The following PLCE1 variants were observed in gnomAD, a reference collection of about 807,000 sequenced individuals.
PLCE1 encodes 1-phosphatidylinositol 4,5-bisphosphate phosphodiesterase epsilon-1.
PLCE1 carries 119 observed loss-of-function variants against 242.8 expected under a neutral mutation model. The ratio of observed to expected loss-of-function variants is 0.49; its 90% CI spans 0.42 to 0.57. PLCE1 has a LOEUF of 0.57. PLCE1 is among the 20% of genes least tolerant of loss of function. PLCE1 has a pLI of 0.00. For synonymous variants in PLCE1, 945 were observed against 1,017.4 expected, an observed-to-expected ratio of 0.93 and a Z score of 1.35; for missense variants, 2,441 against 2,788.8, an observed-to-expected ratio of 0.88 and a Z score of 2.81.
chr10:94,116,215 C>T (rs1358025867), intron 2 of PLCE1, among the ~76,000 whole-genome samples: 1 of 152,214 alleles, frequency 6.6e-6, no homozygotes, highest in Non-Finnish European at 1.5e-5. Flanking sequence ...TAACTACTCA[C>T]AATTTAGATC....
At chr10:94,207,091 A>G (rs563554017) in intron 4 of PLCE1, among the ~76,000 whole-genome samples, 1 of 152,376 alleles carries the variant, frequency 6.6e-6, no homozygotes, top group East Asian at 1.9e-4. Flanking sequence ...ACAAAGAACA[A>G]GCAGCTTTCC....
intron 3 of PLCE1, among the ~76,000 whole-genome samples, chr10:94,150,150 G>A (rs948584284): frequency 6.6e-6 from 1 of 152,188 alleles, no homozygotes; most frequent in African/African-American, 2.4e-5. Context: ...AGGTCATATG[G>A]AAACATGCGG....
intron 2 of PLCE1, among the ~76,000 whole-genome samples, chr10:94,070,844 A>G (rs2044331397): frequency 6.6e-6 from 1 of 151,966 alleles, no homozygotes; most frequent in African/African-American, 2.4e-5. Context: ...CTCAATTCCC[A>G]TATCTCTTTT....
Position 94,030,744 on chromosome 10 carries a change from T to A in PLCE1, c.-303T>A. The A allele has an allele frequency of 5.3e-6, 2 of 375,978 alleles. No individual in the cohort carries two copies. Among genetic ancestry groups the A allele is most frequent in the Non-Finnish European group, 9.7e-6 (2 of 205,690 alleles). 23.3% of individuals were successfully genotyped at this position (375,978 alleles called of 1,614,324 possible). On this transcript the variant is annotated 5_prime_UTR_variant, in exon 2 of 33. It introduces an in-frame stop codon into an upstream open reading frame of the 5' UTR. Coordinates refer to ENST00000371380, the MANE Select transcript of PLCE1 (RefSeq NM_016341.4). ...TGCAAATCAGTGATGGATCAGAAGT[T>A]GCAGAGTGCAATCCCGAGTAAAAGT...
At chr10:94,171,031 C>A in intron 3 of PLCE1, 149 bp from the exon 4 acceptor site, 1 of 701,340 alleles carries the variant, frequency 1.4e-6, no homozygotes, top group Non-Finnish European at 2.5e-6. Flanking sequence ...TCAGAAAGGT[C>A]TTTGTAAAAA....
chr10:94,258,760 G>A, intron 11 of PLCE1, 40 bp from the exon 12 acceptor site: 1 of 1,613,826 alleles, frequency 6.2e-7, no homozygotes. Flanking sequence ...CACAACAGTG[G>A]CCTGCCCTTG....
Position 94,320,813 on chromosome 10 carries a change from T to C in PLCE1, c.6343-1088T>C, listed in dbSNP as rs537278215. ...TCACATTATATCTAAATTCACCTAA[T>C]TCAAGGGTGTTGCTTTACATAGTCA... On this transcript the variant is annotated intron_variant, in intron 29 of 32. Coordinates refer to ENST00000371380, the MANE Select transcript of PLCE1 (RefSeq NM_016341.4). Among the ~76,000 whole-genome samples the C allele has an allele frequency of 2.0e-5, 3 of 152,314 alleles. No homozygotes were observed. The East Asian group carries it at 5.8e-4, about 29-fold the overall frequency.
intron 25 of PLCE1, among the ~76,000 whole-genome samples, chr10:94,305,757 G>A (rs1436432354): frequency 3.3e-5 from 5 of 152,210 alleles, no homozygotes; most frequent in Non-Finnish European, 5.9e-5. Flanking sequence ...AGATTTTGAA[G>A]TTATAAAATC....
intron 2 of PLCE1, among the ~76,000 whole-genome samples, chr10:94,086,512 G>GT (rs1443404291): frequency 6.6e-6 from 1 of 152,178 alleles, no homozygotes; most frequent in Non-Finnish European, 1.5e-5. Flanking sequence ...TATCTCTGTT[G>GT]TAACACTGTC....
chr10:94,113,402 G>T (rs1278504878), intron 2 of PLCE1, among the ~76,000 whole-genome samples: 1 of 152,062 alleles, frequency 6.6e-6, no homozygotes, highest in African/African-American at 2.4e-5. Flanking sequence ...CAATAAAATG[G>T]GGACAATAAC....
intron 3 of PLCE1, among the ~76,000 whole-genome samples, chr10:94,132,673 G>T (rs575743046): frequency 6.6e-6 from 1 of 151,530 alleles, no homozygotes; most frequent in African/African-American, 2.4e-5. Context: ...TTTTGAGGCC[G>T]GGTGCGGTGG....
At chr10:94,169,744 C>T (rs960871643) in intron 3 of PLCE1, among the ~76,000 whole-genome samples, 2 of 152,118 alleles carry the variant, frequency 1.3e-5, no homozygotes, top group African/African-American at 4.8e-5. Flanking sequence ...GAATTAGCAC[C>T]CGCCCCATCA....
At chr10:94,309,903 A>G (rs908116299) in intron 27 of PLCE1, among the ~76,000 whole-genome samples, 20 of 152,062 alleles carry the variant, frequency 1.3e-4, no homozygotes, top group African/African-American at 4.8e-4. Context: ...TCGAGCACCT[A>G]TAGTCCCAGC....
chr10:94,332,599 T>G lies in PLCE1; in HGVS notation c.*4656T>G, dbSNP rs1691581548. 1 of 151,270 alleles carries G rather than the reference T, an allele frequency of 6.6e-6. No homozygotes were observed. The highest frequency in any genetic ancestry group is 1.5e-5 in the Non-Finnish European group (1 of 67,862). 9.4% of individuals were successfully genotyped at this position (151,270 alleles called of 1,614,324 possible). On this transcript the variant is annotated 3_prime_UTR_variant, in exon 33 of 33. Coordinates refer to ENST00000371380, the MANE Select transcript of PLCE1 (RefSeq NM_016341.4). ...TATGTAAGTTAATGCACAAATATAT[T>G]TCCTCAAATTCACATAGGATACTCA...
intron 8 of PLCE1, among the ~76,000 whole-genome samples, chr10:94,248,416 C>A (rs888238429): frequency 2.0e-5 from 3 of 152,132 alleles, no homozygotes; most frequent in Non-Finnish European, 4.4e-5. Flanking sequence ...GCCTGGCCAA[C>A]ATGGCAAAAT....
At chr10:94,027,147 C>G (rs539010229) in intron 1 of PLCE1, among the ~76,000 whole-genome samples, 1 of 152,266 alleles carries the variant, frequency 6.6e-6, no homozygotes, top group South Asian at 2.1e-4. Context: ...TCCTACTTAT[C>G]TTTTGAAACT....
In PLCE1 at chr10:94,171,388, A is replaced by T; in HGVS notation, c.1701A>T (p.Glu567Asp). 1 of 1,614,166 alleles carries T rather than the reference A, an allele frequency of 6.2e-7. No individual in the cohort carries two copies. Among genetic ancestry groups the T allele is most frequent in the Non-Finnish European group, 8.5e-7 (1 of 1,179,992 alleles). The change falls in exon 4 of 33, where the codon GAA (glutamate) becomes GAT (aspartate). Residue 567 changes from glutamate (E) to aspartate (D), a missense_variant. Physicochemically the swap from Glu to Asp is conservative, Grantham distance 45. Transcript: ENST00000371380. ...CFLTRDLGTPECQSSLPCLKA... is the reference protein window; with the variant it reads ...CFLTRDLGTPDCQSSLPCLKA... ...TAACACGGGACTTGGGCACTCCTGA[A>T]TGCCAGAGCTCCTTGCCCTGCCTCA...
chr10:94,231,553 T>C (rs2050144263), intron 5 of PLCE1, among the ~76,000 whole-genome samples: 1 of 151,310 alleles, frequency 6.6e-6, no homozygotes. Context: ...TCTCCTATGC[T>C]CTTGAATATG....
At chr10:94,043,276 A>G (rs2061806286) in intron 2 of PLCE1, among the ~76,000 whole-genome samples, 1 of 152,200 alleles carries the variant, frequency 6.6e-6, no homozygotes, top group Admixed American at 6.5e-5. Context: ...AAATGCTGCA[A>G]GCGCAGTCGA....
Sources: allele counts gnomAD v4.1 joint callset (sites outside exome capture counted in the v4.1 genomes callset), GRCh38; gene constraint gnomAD v4.1.1; transcripts MANE v1.5; gene names NCBI Gene and HGNC (gene_info 2026-07-23, HGNC 2026-07-21).